BMPR2: variants seen among roughly 807,000 people sequenced by gnomAD.
BMPR2 encodes bone morphogenetic protein receptor type 2, also known as bone morphogenetic protein receptor type-2.
BMPR2 carries 29 observed loss-of-function variants against 100.8 expected under a neutral mutation model. The ratio of observed to expected loss-of-function variants is 0.29; its 90% CI spans 0.21 to 0.39. The LOEUF (loss-of-function observed/expected upper bound fraction) is 0.39. Among genes scored for constraint, BMPR2 ranks in the 10% least tolerant of loss-of-function variants. The probability of loss-of-function intolerance (pLI) is 1.00; values close to 1 mark genes in which losing one functional copy is unlikely to be tolerated. For missense variants in BMPR2, 1,011 were observed against 1,274.5 expected (o/e 0.79, Z 3.15); for synonymous variants, 382 against 442.3 (o/e 0.86, Z 1.71).
At chr2:202,539,982 G>A (rs1300865492) in intron 9 of BMPR2, among the ~76,000 whole-genome samples, 2 of 152,230 alleles carry the variant, frequency 1.3e-5, no homozygotes, top group African/African-American at 4.8e-5. Flanking sequence ...CCATGATGAT[G>A]ATTTTTGTCA....
intron 1 of BMPR2, among the ~76,000 whole-genome samples, chr2:202,384,753 C>A (rs150033015): frequency 0.034 from 5,214 of 151,788 alleles, 304 homozygotes; most frequent in African/African-American, 0.12. Flanking sequence ...ACTACCACAC[C>A]CAGCTAATTT....
In BMPR2 at chr2:202,519,072, TAA is replaced by T; in HGVS notation, c.852+22_852+23del. The T allele has an allele frequency of 6.2e-7, 1 of 1,609,520 alleles. No individual in the cohort carries two copies. The highest frequency in any genetic ancestry group is 8.5e-7 in the Non-Finnish European group (1 of 1,176,160). ...CCCAATGTAAGTTCTTCATAGAAAA[TAA>T]ACTGAGGCCAGGTGTGGTGGCTTAT... On this transcript the variant is annotated intron_variant, in intron 6 of 12. Coordinates refer to ENST00000374580, the MANE Select transcript of BMPR2 (RefSeq NM_001204.7).
intron 3 of BMPR2, among the ~76,000 whole-genome samples, chr2:202,482,886 A>G (rs940167314): frequency 2.0e-5 from 3 of 151,978 alleles, no homozygotes; most frequent in African/African-American, 4.8e-5. Flanking sequence ...GGATCTTACT[A>G]TGTTGTCAGG....
intron 9 of BMPR2, among the ~76,000 whole-genome samples, chr2:202,540,445 T>C (rs1688250261): frequency 6.6e-6 from 1 of 152,196 alleles, no homozygotes; most frequent in Non-Finnish European, 1.5e-5. Flanking sequence ...AATGTTGATG[T>C]TATTGATCAA....
intron 1 of BMPR2, among the ~76,000 whole-genome samples, chr2:202,406,059 A>G (rs910692155): frequency 6.6e-6 from 1 of 152,230 alleles, no homozygotes; most frequent in Non-Finnish European, 1.5e-5. Flanking sequence ...ATGAATACAT[A>G]TTCTACCAAC....
intron 1 of BMPR2, among the ~76,000 whole-genome samples, chr2:202,399,131 GA>G (rs1225721740): frequency 4.8e-5 from 7 of 144,708 alleles, no homozygotes; most frequent in Admixed American, 6.9e-5. Context: ...TGTCTCAAGA[GA>G]AAAAAAAAAG....
intron 3 of BMPR2, among the ~76,000 whole-genome samples, chr2:202,510,293 C>G (rs1423199534): frequency 6.6e-6 from 1 of 152,150 alleles, no homozygotes; most frequent in Non-Finnish European, 1.5e-5. Flanking sequence ...TGGCGCGTGC[C>G]TGTAATCCCG....
chr2:202,454,579 G>A (rs1027653152), intron 1 of BMPR2, among the ~76,000 whole-genome samples: 2 of 152,202 alleles, frequency 1.3e-5, no homozygotes, highest in Non-Finnish European at 2.9e-5. Flanking sequence ...AACTTGTTAC[G>A]TTATTGAGCA....
At chr2:202,412,370 G>A (rs1691030684) in intron 1 of BMPR2, among the ~76,000 whole-genome samples, 1 of 152,182 alleles carries the variant, frequency 6.6e-6, no homozygotes, top group Non-Finnish European at 1.5e-5. Context: ...CCAGGCTGGA[G>A]TGCAGTGGCG....
intron 1 of BMPR2, among the ~76,000 whole-genome samples, chr2:202,385,681 A>G (rs945926247): frequency 2.0e-5 from 3 of 148,906 alleles, no homozygotes; most frequent in East Asian, 4.0e-4. Flanking sequence ...AAAAAAAAGC[A>G]TGTATTTTTA....
Position 202,422,081 on chromosome 2 carries a change from G to A in BMPR2, c.77-42728G>A, listed in dbSNP as rs1034181812. On this transcript the variant is annotated intron_variant, in intron 1 of 12. Transcript: ENST00000374580. ...AAACCACCACACCCAGCTAATTTTT[G>A]TATTTTTAGTAGAGACAGGGTTTCA... Among the ~76,000 whole-genome samples the A allele has an allele frequency of 8.6e-5, 13 of 151,744 alleles. 1 individual carries two copies. Among genetic ancestry groups the A allele is most frequent in the African/African-American group, 2.7e-4 (11 of 41,274 alleles).
At chr2:202,431,979 A>G (rs1422111897) in intron 1 of BMPR2, among the ~76,000 whole-genome samples, 2 of 150,526 alleles carry the variant, frequency 1.3e-5, no homozygotes, top group Admixed American at 6.6e-5. Flanking sequence ...TTTTCCAGAA[A>G]TATTCTTTTT....
At chr2:202,536,829 C>T (rs1269770190) in intron 9 of BMPR2, among the ~76,000 whole-genome samples, 3 of 143,902 alleles carry the variant, frequency 2.1e-5, no homozygotes, top group African/African-American at 7.7e-5. Context: ...GAGATTGCAC[C>T]ATTGCACTCC....
At chr2:202,467,756 T>C in intron 3 of BMPR2, 67 bp downstream of exon 3, 3 of 1,506,598 alleles carry the variant, frequency 2.0e-6, no homozygotes, top group Admixed American at 1.7e-5. Flanking sequence ...ATAAAAAAAC[T>C]TAAAAAACAT....
At chr2:202,489,654 A>G (rs1692857095) in intron 3 of BMPR2, among the ~76,000 whole-genome samples, 1 of 152,198 alleles carries the variant, frequency 6.6e-6, no homozygotes, top group African/African-American at 2.4e-5. Context: ...ATAAACAAAC[A>G]TGATTAATTT....
chr2:202,481,184 T>TTCTCTTCTCC (rs1485987377), intron 3 of BMPR2, among the ~76,000 whole-genome samples: 1 of 152,080 alleles, frequency 6.6e-6, no homozygotes, highest in Non-Finnish European at 1.5e-5. Context: ...TTCTCTTCTC[T>TTCTCTTCTCC]TCTCTTCTCT....
chr2:202,545,960 C>G (rs570883668), intron 10 of BMPR2, among the ~76,000 whole-genome samples: 1 of 152,160 alleles, frequency 6.6e-6, no homozygotes, highest in Non-Finnish European at 1.5e-5. Flanking sequence ...TAGTAAAATA[C>G]AACTTCATCT....
At chr2:202,405,218 G>GA (rs985139922) in intron 1 of BMPR2, among the ~76,000 whole-genome samples, 2 of 151,650 alleles carry the variant, frequency 1.3e-5, no homozygotes, top group Non-Finnish European at 1.5e-5. Flanking sequence ...CCTGAAGCCT[G>GA]AAAAAAAAGT....
intron 1 of BMPR2, among the ~76,000 whole-genome samples, chr2:202,447,697 G>A (rs910445861): frequency 2.7e-5 from 4 of 150,652 alleles, no homozygotes; most frequent in South Asian, 4.1e-4. Flanking sequence ...CAAGAAGAGA[G>A]AAATGATTAC....
Sources: allele counts gnomAD v4.1 joint callset (sites outside exome capture counted in the v4.1 genomes callset), GRCh38; gene constraint gnomAD v4.1.1; transcripts MANE v1.5; gene names NCBI Gene and HGNC (gene_info 2026-07-23, HGNC 2026-07-21).